The following DAB2IP variants were observed in gnomAD, a reference collection of about 807,000 sequenced individuals.
DAB2IP encodes disabled homolog 2-interacting protein.
In DAB2IP, 28 loss-of-function variants were observed where a neutral mutation model predicts 107.2. The observed-to-expected ratio is 0.26, with a 90% CI of 0.19 to 0.36. The LOEUF (loss-of-function observed/expected upper bound fraction) is 0.36. DAB2IP is among the 10% of genes least tolerant of loss of function. DAB2IP has a pLI of 1.00. For synonymous variants in DAB2IP, 755 were observed against 706.4 expected (o/e 1.07, Z -1.09); for missense variants, 1,400 against 1,644.7 (o/e 0.85, Z 2.57).
intron 3 of DAB2IP, among the ~76,000 whole-genome samples, chr9:121,746,233 C>G (rs985963350): frequency 6.6e-6 from 1 of 152,056 alleles, no homozygotes; most frequent in Non-Finnish European, 1.5e-5. Context: ...CAGTCTCAGC[C>G]CAGCCTGGAT....
At chr9:121,708,662 G>C (rs1311942568) in intron 3 of DAB2IP, among the ~76,000 whole-genome samples, 3 of 152,218 alleles carry the variant, frequency 2.0e-5, no homozygotes, top group African/African-American at 7.2e-5. Flanking sequence ...CTGACTTCCT[G>C]GTTGCAGGTG....
chr9:121,627,196 G>A (rs970180771), intron 1 of DAB2IP, among the ~76,000 whole-genome samples: 10 of 151,144 alleles, frequency 6.6e-5, no homozygotes, highest in Non-Finnish European at 1.2e-4. Flanking sequence ...TATCCACCCA[G>A]GAGATCATCC....
chr9:121,658,402 C>G (rs908154690), intron 1 of DAB2IP, among the ~76,000 whole-genome samples: 1 of 152,238 alleles, frequency 6.6e-6, no homozygotes, highest in Non-Finnish European at 1.5e-5. Context: ...TCCCTGGAAG[C>G]TTGCGCTTGA....
intron 3 of DAB2IP, among the ~76,000 whole-genome samples, chr9:121,735,139 A>G (rs1831805543): frequency 1.3e-5 from 2 of 152,368 alleles, no homozygotes; most frequent in South Asian, 4.1e-4. Flanking sequence ...GGAAGGGGAC[A>G]GGACACTAAG....
rs1397979642 is a variant in DAB2IP, at chr9:121,642,009, C to T, written c.41-36669C>T. On this transcript the variant is annotated intron_variant, in intron 1 of 16. Transcript: ENST00000259371. ...CTTTCTTTCCTTTCTCTCTCTCTCTCTCTCTCTCTCTCTCTCTCTCTCTTT... is the reference window on the plus strand; with the variant it reads ...CTTTCTTTCCTTTCTCTCTCTCTCTTTCTCTCTCTCTCTCTCTCTCTCTTT... 5.7e-3 allele frequency among the ~76,000 whole-genome samples: 298 copies of T among 52,356 alleles called. 5 individuals carry two copies. Among genetic ancestry groups the T allele is most frequent in the African/African-American group, 0.038 (245 of 6,454 alleles). 34.3% of individuals were successfully genotyped at this position (52,356 alleles called of 152,430 possible).
At chr9:121,753,891 A>G (rs1362686432) in intron 3 of DAB2IP, among the ~76,000 whole-genome samples, 2 of 152,252 alleles carry the variant, frequency 1.3e-5, no homozygotes, top group South Asian at 2.1e-4. Flanking sequence ...TTTGGTACCC[A>G]TCTTCTGCCC....
chr9:121,670,240 G>A (rs1288553010), intron 1 of DAB2IP, among the ~76,000 whole-genome samples: 1 of 152,222 alleles, frequency 6.6e-6, no homozygotes, highest in African/African-American at 2.4e-5. Context: ...AAGTTGTCGT[G>A]TGTATCAATA....
chr9:121,633,140 AT>A lies in DAB2IP; in HGVS notation c.41-45536del, dbSNP rs1831954346. Among the ~76,000 whole-genome samples the A allele has an allele frequency of 6.6e-6, 1 of 152,202 alleles. No homozygotes were observed. Among genetic ancestry groups the A allele is most frequent in the Admixed American group, 6.5e-5 (1 of 15,284 alleles). On this transcript the variant is annotated intron_variant, in intron 1 of 16. Transcript: ENST00000259371. The surrounding 1 kb of genome is among the most constrained non-coding windows in gnomAD (Gnocchi z 5.1). ...AATCTTCTTAATAAATTGTTCTCAAATTGTGCACTATTAAACTCCTGAAAAA... is the reference window on the plus strand; with the variant it reads ...AATCTTCTTAATAAATTGTTCTCAAATGTGCACTATTAAACTCCTGAAAAA...
chr9:121,703,941 T>C (rs977936602), intron 3 of DAB2IP, among the ~76,000 whole-genome samples: 5 of 152,194 alleles, frequency 3.3e-5, no homozygotes, highest in Admixed American at 3.3e-4. Context: ...CATTATTACC[T>C]AGAGCACAGG....
At chr9:121,719,035 T>G (rs935037160) in intron 3 of DAB2IP, among the ~76,000 whole-genome samples, 2 of 152,212 alleles carry the variant, frequency 1.3e-5, no homozygotes, top group Non-Finnish European at 2.9e-5. Context: ...TCTTGACATA[T>G]ACATGTCCTG....
intron 1 of DAB2IP, among the ~76,000 whole-genome samples, chr9:121,587,729 A>G (rs1830338595): frequency 6.6e-6 from 1 of 152,140 alleles, no homozygotes; most frequent in Non-Finnish European, 1.5e-5. Context: ...GTGGTTGAGT[A>G]AAGGAGGAGT....
chr9:121,772,521 G>T lies in DAB2IP; in HGVS notation c.2079-86G>T, dbSNP rs899907600. Reference sequence around the variant, plus strand: ...GGCTGCCAGGCCCCGGCAGGTTGGCGGGTGCTGTCGGTTTGGACCCGCCTT... The same window carrying T: ...GGCTGCCAGGCCCCGGCAGGTTGGCTGGTGCTGTCGGTTTGGACCCGCCTT... On this transcript the variant is annotated intron_variant, in intron 11 of 15. Coordinates refer to ENST00000408936, the Ensembl canonical transcript of DAB2IP. This position sits in a 1 kb window ranked among gnomAD's most constrained non-coding sequence, Gnocchi z 4.7. The T allele has an allele frequency of 9.6e-6, 14 of 1,454,810 alleles. No individual in the cohort carries two copies. The highest frequency in any genetic ancestry group is 1.8e-4 in the Middle Eastern group (1 of 5,514). The allele number at this position is 1,454,810 out of a possible 1,614,324, so 90.1% of individuals were successfully genotyped here. A position where few individuals can be genotyped will look rare whatever the true frequency, so the allele number is the denominator to read the frequency against.
Position 121,782,233 on chromosome 9 carries a change from C to T in DAB2IP, c.3403-98C>T. On this transcript the variant is annotated intron_variant, in intron 15 of 15. Coordinates refer to ENST00000408936, the Ensembl canonical transcript of DAB2IP. This position sits in a 1 kb window ranked among gnomAD's most constrained non-coding sequence, Gnocchi z 6.1. Reference sequence around the variant, plus strand: ...CAGCCCGGAGCCTGCCTGCCACCCTCATCTCCAGGCCACCCCCTTCCCCGA... The same window carrying T: ...CAGCCCGGAGCCTGCCTGCCACCCTTATCTCCAGGCCACCCCCTTCCCCGA... 2.0e-6 allele frequency: 3 copies of T among 1,520,064 alleles called. No individual in the cohort carries two copies. The South Asian group carries it at 4.0e-5, about 20-fold the overall frequency. 94.2% of individuals were successfully genotyped at this position (1,520,064 alleles called of 1,614,324 possible). A position where few individuals can be genotyped will look rare whatever the true frequency, so the allele number is the denominator to read the frequency against.
intron 1 of DAB2IP, among the ~76,000 whole-genome samples, chr9:121,619,677 T>C (rs141003117): frequency 6.6e-6 from 1 of 152,342 alleles, no homozygotes; most frequent in East Asian, 1.9e-4. Flanking sequence ...CAAATGTCCT[T>C]ACACTTGGGT....
chr9:121,677,092 AG>A, intron 1 of DAB2IP, among the ~76,000 whole-genome samples: 1 of 152,352 alleles, frequency 6.6e-6, no homozygotes, highest in East Asian at 1.9e-4. Flanking sequence ...CTTGTGATGT[AG>A]CAGTAACCAA....
At chr9:121,712,642 G>A (rs1830391990) in intron 3 of DAB2IP, among the ~76,000 whole-genome samples, 1 of 152,144 alleles carries the variant, frequency 6.6e-6, no homozygotes, top group Admixed American at 6.5e-5. Flanking sequence ...GGGTGGGCCT[G>A]CCCCCAACAT....
intron 8 of DAB2IP, among the ~76,000 whole-genome samples, chr9:121,764,994 A>G (rs965685956): frequency 6.6e-6 from 1 of 152,168 alleles, no homozygotes. Context: ...AGGACAAGAA[A>G]AGGCAGGGGG....
exon 5 of DAB2IP, chr9:121,758,912 A>C: frequency 6.2e-7 from 1 of 1,613,460 alleles, no homozygotes; most frequent in Non-Finnish European, 8.5e-7. Context: ...CGACGTCATC[A>C]GGAAGCAAGT....
At chr9:121,700,807 C>T (rs1829735324) in intron 3 of DAB2IP, among the ~76,000 whole-genome samples, 2 of 152,170 alleles carry the variant, frequency 1.3e-5, no homozygotes. Flanking sequence ...TTTCCTGCCC[C>T]AGCTGCCAAG....
Sources: gnomAD v4.1 joint callset for allele counts (sites outside exome capture counted in the v4.1 genomes callset) on GRCh38, gnomAD v4.1.1 for gene constraint, Gnocchi (gnomAD v3.1) non-coding constraint, MANE v1.5 for transcripts, NCBI Gene and HGNC (gene_info 2026-07-23, HGNC 2026-07-21) for gene names.